RARB: variants seen among roughly 807,000 people sequenced by gnomAD.
The protein encoded by RARB is HBV-activated protein.
In RARB, 17 loss-of-function variants were observed where a neutral mutation model predicts 51.9. The observed-to-expected ratio is 0.33, with a 90% CI of 0.22 to 0.49. The LOEUF is 0.49. Ranked by LOEUF, RARB falls within the 20% of genes least tolerant of loss-of-function variation. RARB has a pLI of 0.99. For synonymous variants in RARB, 215 were observed against 195.4 expected (o/e 1.10, Z -0.84); for missense variants, 369 against 550.8 (o/e 0.67, Z 3.30).
intron 4 of RARB, among the ~76,000 whole-genome samples, chr3:25,571,036 C>A (rs1369288380): frequency 3.9e-5 from 6 of 152,014 alleles, no homozygotes; most frequent in African/African-American, 1.2e-4. Context: ...ATCTGTAACA[C>A]AATAATGGTG....
chr3:24,830,420 CGTGT>C (rs59434163), intron 1 of RARB, among the ~76,000 whole-genome samples: 4 of 121,512 alleles, frequency 3.3e-5, no homozygotes, highest in South Asian at 6.5e-4. Flanking sequence ...TGACAGAAGA[CGTGT>C]GTGTGTGTGT....
At chr3:25,214,844 G>A (rs1701783416) in intron 5 of RARB, among the ~76,000 whole-genome samples, 1 of 152,182 alleles carries the variant, frequency 6.6e-6, no homozygotes, top group Non-Finnish European at 1.5e-5. Context: ...CCAGTGTCAT[G>A]TAGTTAGCAT....
At chr3:25,155,607 A>T (rs1449784902) in intron 4 of RARB, among the ~76,000 whole-genome samples, 2 of 152,260 alleles carry the variant, frequency 1.3e-5, no homozygotes, top group Non-Finnish European at 2.9e-5. Context: ...TGGATTAAAA[A>T]TATAATCTGG....
chr3:25,530,271 G>T (rs751420701), intron 3 of RARB, among the ~76,000 whole-genome samples: 1 of 152,246 alleles, frequency 6.6e-6, no homozygotes, highest in Admixed American at 6.5e-5. Flanking sequence ...TGGGTAAGAG[G>T]TGGAGAGTCT....
At chr3:25,561,009 C>A (rs1700247324) in intron 3 of RARB, among the ~76,000 whole-genome samples, 1 of 152,074 alleles carries the variant, frequency 6.6e-6, no homozygotes, top group East Asian at 1.9e-4. Flanking sequence ...GTGCAATGAA[C>A]AAAAACTGAT....
chr3:24,924,140 C>T (rs1014885578), intron 2 of RARB, among the ~76,000 whole-genome samples: 22 of 152,094 alleles, frequency 1.4e-4, no homozygotes, highest in Admixed American at 3.9e-4. Flanking sequence ...AATAAACTCT[C>T]TATTTTTGTA....
chr3:25,388,876 G>C (rs1199222340), intron 5 of RARB, among the ~76,000 whole-genome samples: 3 of 152,068 alleles, frequency 2.0e-5, no homozygotes, highest in Admixed American at 2.0e-4. Context: ...AAACTGTTTT[G>C]AATGTTACTA....
intron 2 of RARB, among the ~76,000 whole-genome samples, chr3:24,919,703 C>T (rs975448438): frequency 6.6e-6 from 1 of 152,204 alleles, no homozygotes; most frequent in Non-Finnish European, 1.5e-5. Flanking sequence ...GGTATCTTTT[C>T]TAAAAGGACC....
In RARB at chr3:25,302,007, GC is replaced by G. The variant is rs1704052599; in HGVS notation, c.178+127433del. ...ATGAGAAACTAACAGCAAAACCATG[GC>G]AAGTCCTCACACTAAGTTCACGTTA... is the stretch of plus-strand genomic sequence containing the variant. On this transcript the variant is annotated intron_variant, in intron 5 of 11. Transcript: ENST00000383772. 2.0e-5 allele frequency among the ~76,000 whole-genome samples: 3 copies of G among 152,218 alleles called. No homozygotes were observed. The South Asian group carries it at 6.2e-4, about 32-fold the overall frequency.
chr3:24,830,302 A>C (rs1702262128), intron 1 of RARB, among the ~76,000 whole-genome samples: 1 of 110,330 alleles, frequency 9.1e-6, no homozygotes, highest in Non-Finnish European at 1.7e-5. Context: ...ATTTTGAAAA[A>C]GGTGTGCACG....
intron 2 of RARB, among the ~76,000 whole-genome samples, chr3:24,939,286 A>G (rs2125398907): frequency 6.6e-6 from 1 of 152,340 alleles, no homozygotes; most frequent in Middle Eastern, 3.4e-3. Flanking sequence ...ACTTTTATGT[A>G]CAGTGACTGT....
intron 1 of RARB, among the ~76,000 whole-genome samples, chr3:24,845,434 T>A (rs940807683): frequency 6.6e-6 from 1 of 152,186 alleles, no homozygotes; most frequent in Non-Finnish European, 1.5e-5. Flanking sequence ...ATGTGTGGTT[T>A]CCTAGGTTGC....
chr3:25,464,480 C>T (rs1278146574), intron 2 of RARB, among the ~76,000 whole-genome samples: 1 of 152,064 alleles, frequency 6.6e-6, no homozygotes, highest in Non-Finnish European at 1.5e-5. Context: ...GTTCGGCAGC[C>T]AGTTGAATTT....
At chr3:25,000,972 T>G (rs369635150) in intron 2 of RARB, among the ~76,000 whole-genome samples, 1 of 152,102 alleles carries the variant, frequency 6.6e-6, no homozygotes, top group Non-Finnish European at 1.5e-5. Context: ...TATGGTTGAT[T>G]TTTGAATTGA....
intron 5 of RARB, among the ~76,000 whole-genome samples, chr3:25,386,101 A>C (rs1159074880): frequency 6.6e-6 from 1 of 152,216 alleles, no homozygotes; most frequent in Non-Finnish European, 1.5e-5. Context: ...GAACACGAAC[A>C]GGCAATATAG....
intron 3 of RARB, among the ~76,000 whole-genome samples, chr3:25,549,209 C>T (rs1406745322): frequency 6.6e-6 from 1 of 151,880 alleles, no homozygotes; most frequent in Non-Finnish European, 1.5e-5. Flanking sequence ...GCAGATAGAA[C>T]AATGAAGGCT....
At chr3:25,039,955 T>C (rs1284967762) in intron 2 of RARB, among the ~76,000 whole-genome samples, 1 of 152,178 alleles carries the variant, frequency 6.6e-6, no homozygotes, top group East Asian at 1.9e-4. Context: ...GTAACTGTCC[T>C]CAGAAGAGAG....
intron 3 of RARB, among the ~76,000 whole-genome samples, chr3:25,549,218 C>T (rs187941110): frequency 2.6e-5 from 4 of 151,994 alleles, no homozygotes; most frequent in Admixed American, 2.6e-4. Context: ...ACAATGAAGG[C>T]TGAAGAGGTA....
chr3:25,579,398 C>T (rs1701077424), intron 4 of RARB, among the ~76,000 whole-genome samples: 1 of 152,202 alleles, frequency 6.6e-6, no homozygotes, highest in East Asian at 1.9e-4. Flanking sequence ...CCTGGAAAAC[C>T]ACTGAACTGT....
Sources: allele counts gnomAD v4.1 joint callset (sites outside exome capture counted in the v4.1 genomes callset), GRCh38; gene constraint gnomAD v4.1.1; transcripts MANE v1.5; gene names NCBI Gene and HGNC (gene_info 2026-07-23, HGNC 2026-07-21).